STXBP5: variants seen among roughly 807,000 people sequenced by gnomAD.
STXBP5 encodes syntaxin-binding protein 5.
Under a neutral mutation model 152.4 loss-of-function variants are expected in STXBP5, and 50 were observed. The observed-to-expected ratio is 0.33, with a 90% CI of 0.26 to 0.42. The LOEUF (loss-of-function observed/expected upper bound fraction) is 0.42, where lower values mean the gene tolerates loss of function less well. Ranked by LOEUF, STXBP5 falls within the 10% of genes least tolerant of loss-of-function variation. The probability of loss-of-function intolerance (pLI) is 1.00; values close to 1 mark genes in which losing one functional copy is unlikely to be tolerated. For missense variants in STXBP5, 1,167 were observed against 1,388.6 expected (o/e 0.84, Z 2.54); for synonymous variants, 492 against 494.7 (o/e 0.99, Z 0.07).
intron 21 of STXBP5, among the ~76,000 whole-genome samples, chr6:147,348,346 C>T (rs1211650920): frequency 6.6e-6 from 1 of 151,746 alleles, no homozygotes; most frequent in Non-Finnish European, 1.5e-5. Flanking sequence ...TCCCTCCCTC[C>T]CTCTCCCTCA....
intron 18 of STXBP5, 30 bp downstream of exon 18, chr6:147,327,306 C>T: frequency 6.3e-7 from 1 of 1,589,054 alleles, no homozygotes; most frequent in South Asian, 1.2e-5. Context: ...AAATTCTGAG[C>T]TTTAGGATTT....
Position 147,327,232 on chromosome 6 carries a change from G to C in STXBP5, c.2036G>C (p.Arg679Pro). Residue 679 changes from arginine to proline, a missense_variant, in exon 18 of 28, where the codon CGG (arginine) becomes CCG (proline). This residue lies in a region of STXBP5 where 833 missense variants were observed against 986.3 expected (regional missense o/e 0.84). Transcript: ENST00000321680. ...TTATATGGCTCTAATGATCCTTATC[G>C]GAGAGAACCCCGATCTCCTCGTAAA... ...IELYGSNDPYRREPRSPRKSR... is the reference protein window; with the variant it reads ...IELYGSNDPYPREPRSPRKSR... 2 of 1,613,862 alleles carry C rather than the reference G, an allele frequency of 1.2e-6. No homozygotes were observed. Among genetic ancestry groups the C allele is most frequent in the African/African-American group, 2.7e-5 (2 of 75,008 alleles).
At chr6:147,295,545 G>A (rs1781474901) in intron 9 of STXBP5, among the ~76,000 whole-genome samples, 1 of 152,132 alleles carries the variant, frequency 6.6e-6, no homozygotes, top group East Asian at 1.9e-4. Flanking sequence ...AAAGCGAGTG[G>A]CCAATTCCCC....
intron 2 of STXBP5, among the ~76,000 whole-genome samples, chr6:147,209,106 C>T (rs1341146741): frequency 1.3e-5 from 2 of 151,908 alleles, no homozygotes; most frequent in Non-Finnish European, 2.9e-5. Flanking sequence ...TTACCCTGAT[C>T]TTATTTTTAA....
At chr6:147,380,574 T>C (rs948190263) in intron 26 of STXBP5, among the ~76,000 whole-genome samples, 1 of 151,562 alleles carries the variant, frequency 6.6e-6, no homozygotes, top group African/African-American at 2.4e-5. Context: ...AGAAAACAGG[T>C]ATAAATTTGT....
chr6:147,267,550 T>G (rs1353226687), intron 7 of STXBP5, among the ~76,000 whole-genome samples: 1 of 152,172 alleles, frequency 6.6e-6, no homozygotes, highest in East Asian at 1.9e-4. Flanking sequence ...GATAAGTCTT[T>G]TCTCTCCTTT....
intron 11 of STXBP5, 48 bp from the exon 12 acceptor site, chr6:147,313,836 G>C (rs750167543): frequency 8.0e-7 from 1 of 1,245,534 alleles, no homozygotes; most frequent in South Asian, 1.7e-5. Flanking sequence ...TAATCATATG[G>C]TATAATTCAT....
At chr6:147,325,719 CAT>C (rs546238980) in intron 17 of STXBP5, among the ~76,000 whole-genome samples, 19 of 152,260 alleles carry the variant, frequency 1.2e-4, no homozygotes, top group African/African-American at 4.1e-4. Flanking sequence ...AGCTATTTAT[CAT>C]GTGTAGTTCA....
intron 18 of STXBP5, among the ~76,000 whole-genome samples, chr6:147,333,810 C>T (rs1783698995): frequency 6.6e-6 from 1 of 152,162 alleles, no homozygotes; most frequent in Admixed American, 6.5e-5. Flanking sequence ...CCTTGCCCAG[C>T]TAGTCCAAAC....
chr6:147,366,181 G>A (rs1277109079), intron 25 of STXBP5, among the ~76,000 whole-genome samples: 11 of 152,148 alleles, frequency 7.2e-5, no homozygotes, highest in Admixed American at 7.2e-4. Context: ...AAAGAACCCT[G>A]GAGATGTGCA....
At chr6:147,230,193 C>T (rs1471076432) in intron 2 of STXBP5, among the ~76,000 whole-genome samples, 1 of 151,752 alleles carries the variant, frequency 6.6e-6, no homozygotes, top group Non-Finnish European at 1.5e-5. Flanking sequence ...TTATTTATTT[C>T]TATTTCTTAT....
At position 147,385,557 on chromosome 6, in the gene STXBP5, T is replaced by A. The variant is rs551772891; in HGVS notation, c.*802T>A. ...AAAACCTCCATTGTGGTGAGGAGAA[T>A]ACTTCAATGTCCCTTGTCCTTGTTC... On this transcript the variant is annotated 3_prime_UTR_variant, in exon 28 of 28. Transcript: ENST00000321680. The A allele has an allele frequency of 2.0e-5, 3 of 152,180 alleles. No homozygotes were observed. The South Asian group carries it at 6.2e-4, about 32-fold the overall frequency. The allele number at this position is 152,180 out of a possible 1,614,324, so 9.4% of individuals were successfully genotyped here. A position where few individuals can be genotyped will look rare whatever the true frequency, so the allele number is the denominator to read the frequency against.
At chr6:147,213,477 T>TGTGTGTGCGCGCAC in intron 2 of STXBP5, among the ~76,000 whole-genome samples, 3 of 131,278 alleles carry the variant, frequency 2.3e-5, no homozygotes, top group Non-Finnish European at 4.7e-5. Context: ...TGTGTGTGTG[T>TGTGTGTGCGCGCAC]GCGCGCGCAT....
Position 147,363,625 on chromosome 6 carries a change from C to T in STXBP5, c.2836C>T (p.Leu946Phe). The T allele has an allele frequency of 6.2e-7, 1 of 1,614,082 alleles. No homozygotes were observed. The highest frequency in any genetic ancestry group is 8.5e-7 in the Non-Finnish European group (1 of 1,180,008). Reference sequence around the variant, plus strand: ...AAATATTACAGAGACCTCGTTTGTGCTTCGTGGAGATATTGTAGCATTGAG... The same window carrying T: ...AAATATTACAGAGACCTCGTTTGTGTTTCGTGGAGATATTGTAGCATTGAG... ...KQNITETSFVLRGDIVALSNS... is the reference protein window; with the variant it reads ...KQNITETSFVFRGDIVALSNS... Residue 946 changes from leucine (L) to phenylalanine (F), a missense_variant, in exon 24 of 28, where the codon CTT (leucine) becomes TTT (phenylalanine). Transcript: ENST00000321680.
intron 23 of STXBP5, among the ~76,000 whole-genome samples, chr6:147,360,344 A>C (rs1785007324): frequency 6.6e-6 from 1 of 152,168 alleles, no homozygotes; most frequent in Non-Finnish European, 1.5e-5. Context: ...AGACACATGC[A>C]CATGTATGTT....
At chr6:147,275,790 C>T (rs1171781740) in intron 7 of STXBP5, among the ~76,000 whole-genome samples, 1 of 151,912 alleles carries the variant, frequency 6.6e-6, no homozygotes, top group African/African-American at 2.4e-5. Context: ...ATCTCCTGAC[C>T]TCATGATCCA....
chr6:147,236,317 T>G (rs1480402931), intron 3 of STXBP5, among the ~76,000 whole-genome samples: 1 of 152,182 alleles, frequency 6.6e-6, no homozygotes, highest in Non-Finnish European at 1.5e-5. Context: ...GTTAAATTTT[T>G]TTTAATTAAA....
intron 11 of STXBP5, among the ~76,000 whole-genome samples, chr6:147,312,364 T>G (rs1037583057): frequency 2.0e-5 from 3 of 152,214 alleles, no homozygotes; most frequent in Non-Finnish European, 4.4e-5. Context: ...CACATTGTAT[T>G]ATTTATCTTT....
chr6:147,205,703 TTAA>T (rs981140100), intron 1 of STXBP5, among the ~76,000 whole-genome samples: 4 of 152,218 alleles, frequency 2.6e-5, no homozygotes, highest in African/African-American at 7.2e-5. Context: ...GTATAGAATA[TTAA>T]TAAAAGATTT....
Sources: gnomAD v4.1 joint callset for allele counts (sites outside exome capture counted in the v4.1 genomes callset) on GRCh38, gnomAD v4.1.1 for gene constraint, gnomAD v4.1.1 regional missense constraint, MANE v1.5 for transcripts, NCBI Gene and HGNC (gene_info 2026-07-23, HGNC 2026-07-21) for gene names.